Variants in MCC observed in about 807,000 individuals in gnomAD.
MCC encodes colorectal mutant cancer protein.
MCC carries 90 observed loss-of-function variants against 116.2 expected under a neutral mutation model. The observed-to-expected ratio is 0.77, with a 90% CI of 0.65 to 0.92. MCC has a LOEUF of 0.92. Ranked by LOEUF, MCC falls within the 40% of genes least tolerant of loss-of-function variation. The pLI, the probability that MCC is intolerant of heterozygous loss-of-function variation, is 0.00. For missense variants in MCC, 1,516 were observed against 1,312.2 expected, an observed-to-expected ratio of 1.16 and a Z score of -2.40; for synonymous variants, 578 against 510.5, an observed-to-expected ratio of 1.13 and a Z score of -1.78.
At chr5:113,260,442 G>T (rs1334209577) in intron 3 of MCC, among the ~76,000 whole-genome samples, 2 of 152,206 alleles carry the variant, frequency 1.3e-5, no homozygotes, top group South Asian at 2.1e-4. Context: ...TGTTTAGGTT[G>T]AAGTACATAA....
In MCC at chr5:113,027,287, G is replaced by A. The variant is rs772700868; in HGVS notation, c.*15C>T. On this transcript the variant is annotated 3_prime_UTR_variant, in exon 19 of 19. Coordinates refer to ENST00000408903, the MANE Select transcript of MCC (RefSeq NM_001085377.2). ...TTTACTTCCCATGGGCAGAACTCCG[G>A]TGCGTGAGTGCTGATTAAAGCGAAG... The A allele has an allele frequency of 2.0e-5, 33 of 1,613,262 alleles. No homozygotes were observed. The highest frequency in any genetic ancestry group is 2.6e-5 in the Non-Finnish European group (31 of 1,179,536).
At chr5:113,100,417 C>A (rs1756323888) in intron 8 of MCC, among the ~76,000 whole-genome samples, 1 of 146,432 alleles carries the variant, frequency 6.8e-6, no homozygotes, top group African/African-American at 2.5e-5. Flanking sequence ...GCTAAGGGAG[C>A]AAGAGCAATG....
intron 5 of MCC, among the ~76,000 whole-genome samples, chr5:113,128,903 T>C (rs1758258956): frequency 2.0e-5 from 3 of 152,260 alleles, no homozygotes; most frequent in Admixed American, 2.0e-4. Flanking sequence ...CTGTGTGTTT[T>C]GTTGGCTGCA....
intron 11 of MCC, among the ~76,000 whole-genome samples, chr5:113,077,420 A>T (rs551336365): frequency 1.3e-5 from 2 of 152,356 alleles, no homozygotes; most frequent in Non-Finnish European, 2.9e-5. Flanking sequence ...AGCACTCCTC[A>T]GCAAATGGAA....
At chr5:113,330,955 C>T (rs2150374706) in intron 3 of MCC, among the ~76,000 whole-genome samples, 1 of 152,276 alleles carries the variant, frequency 6.6e-6, no homozygotes, top group South Asian at 2.1e-4. Context: ...TACACATGGA[C>T]CTGAACAAGG....
chr5:113,121,283 T>C (rs779585145), intron 6 of MCC, among the ~76,000 whole-genome samples: 1 of 152,218 alleles, frequency 6.6e-6, no homozygotes, highest in Non-Finnish European at 1.5e-5. Context: ...TCTGATTATC[T>C]CATTCTCTTC....
intron 5 of MCC, among the ~76,000 whole-genome samples, chr5:113,130,991 T>G (rs192387330): frequency 2.6e-4 from 40 of 152,206 alleles, no homozygotes; most frequent in Admixed American, 4.6e-4. Context: ...ACCATCACAA[T>G]AGGGGCTAGG....
chr5:113,351,270 G>A (rs1291444362), intron 2 of MCC, among the ~76,000 whole-genome samples: 1 of 152,030 alleles, frequency 6.6e-6, no homozygotes, highest in Non-Finnish European at 1.5e-5. Context: ...CAATAACCAA[G>A]GTTTACAAGC....
At chr5:113,433,929 G>A (rs1770754938) in intron 1 of MCC, 24 of 1,614,048 alleles carry the variant, frequency 1.5e-5, no homozygotes, top group Non-Finnish European at 2.0e-5. Flanking sequence ...CTTCTTGTCA[G>A]AGCCAGGTTC....
At chr5:113,286,532 G>C (rs1766269557) in intron 3 of MCC, among the ~76,000 whole-genome samples, 2 of 152,154 alleles carry the variant, frequency 1.3e-5, no homozygotes, top group Admixed American at 6.5e-5. Context: ...GGCCCCATAA[G>C]TCCTATGCGC....
Position 113,082,490 on chromosome 5 carries a change from G to A in MCC, c.1784+370C>T, listed in dbSNP as rs139459398. Among the ~76,000 whole-genome samples the A allele has an allele frequency of 3.0e-3, 458 of 152,306 alleles. 3 individuals carry two copies. The highest frequency in any genetic ancestry group is 8.9e-3 in the African/African-American group (370 of 41,558). Reference sequence around the variant, plus strand: ...CTTGGCAGCCACCTGTGACCTACTTGCCATTCTGTAGGGACTGCTCCCAGG... The same window carrying A: ...CTTGGCAGCCACCTGTGACCTACTTACCATTCTGTAGGGACTGCTCCCAGG... On this transcript the variant is annotated intron_variant, in intron 11 of 18. Transcript: ENST00000408903.
At chr5:113,074,813 T>C (rs1240479372) in intron 11 of MCC, among the ~76,000 whole-genome samples, 2 of 152,116 alleles carry the variant, frequency 1.3e-5, no homozygotes, top group Non-Finnish European at 2.9e-5. Context: ...ATGAATGAAA[T>C]GAAGTGAGAA....
chr5:113,221,836 C>G (rs988454523), intron 3 of MCC, among the ~76,000 whole-genome samples: 4 of 151,866 alleles, frequency 2.6e-5, no homozygotes, highest in Non-Finnish European at 5.9e-5. Flanking sequence ...CTGTGATCCT[C>G]GAACATTTGG....
intron 3 of MCC, among the ~76,000 whole-genome samples, chr5:113,166,441 A>G (rs1760769749): frequency 6.6e-6 from 1 of 152,206 alleles, no homozygotes; most frequent in Admixed American, 6.5e-5. Flanking sequence ...CCTGATATCC[A>G]GATGGAGTGT....
At position 113,143,624 on chromosome 5, in the gene MCC, C is replaced by G. The variant is rs1759320433; in HGVS notation, c.742-264G>C. 2.0e-5 allele frequency among the ~76,000 whole-genome samples: 3 copies of G among 152,316 alleles called. No homozygotes were observed. In the South Asian group the frequency reaches 6.2e-4, roughly 32 times the overall value. ...AGTCCCTTTGCCATTGCACACTGTC[C>G]AAGTGGGGCTATTCAAGTCCCCCAC... On this transcript the variant is annotated intron_variant, in intron 4 of 18. Transcript: ENST00000408903.
intron 8 of MCC, among the ~76,000 whole-genome samples, chr5:113,088,215 G>C (rs1755339346): frequency 6.6e-6 from 1 of 152,154 alleles, no homozygotes; most frequent in Non-Finnish European, 1.5e-5. Context: ...GGGAAAGAAA[G>C]ACAGCTGGTT....
At position 113,072,962 on chromosome 5, in the gene MCC, A is replaced by G. The variant is rs550351763; in HGVS notation, c.1785-1728T>C. Among the ~76,000 whole-genome samples, 8 of 152,218 alleles carry G rather than the reference A, an allele frequency of 5.3e-5. No individual in the cohort carries two copies. In the East Asian group the frequency reaches 1.5e-3, roughly 29 times the overall value. On this transcript the variant is annotated intron_variant, in intron 11 of 18. Coordinates refer to ENST00000408903, the MANE Select transcript of MCC (RefSeq NM_001085377.2). ...CCTCCCTTATCTTCTCCATCTCAGT[A>G]AATGCCACCACCGTCTACCCAACAC...
chr5:113,027,333 G>C lies in MCC; in HGVS notation c.3029C>G (p.Ser1010Cys). The change falls in exon 19 of 19, where the codon TCC becomes TGC. Residue 1010 changes from serine (S) to cysteine (C), a missense_variant. Transcript: ENST00000408903. ...CGAAGTTTCATTGGTGTGTGGCCTG[G>C]AGTTCTCCTCCTCTAGCAGAGCTAT... ...QRIALLEEEN[S>C]RPHTNETSL is the part of the protein sequence containing the mutation. 6.2e-7 allele frequency: 1 copy of C among 1,614,184 alleles called. No homozygotes were observed. Among genetic ancestry groups the C allele is most frequent in the Non-Finnish European group, 8.5e-7 (1 of 1,180,006 alleles).
At chr5:113,111,187 T>C (rs1757072015) in intron 6 of MCC, among the ~76,000 whole-genome samples, 1 of 152,222 alleles carries the variant, frequency 6.6e-6, no homozygotes, top group African/African-American at 2.4e-5. Context: ...AAATAACATT[T>C]TGTTCAACAT....
Sources: allele counts gnomAD v4.1 joint callset (sites outside exome capture counted in the v4.1 genomes callset), GRCh38; gene constraint gnomAD v4.1.1; transcripts MANE v1.5; gene names NCBI Gene and HGNC (gene_info 2026-07-23, HGNC 2026-07-21).